The following FOXN3 variants were observed in gnomAD, a reference collection of about 807,000 sequenced individuals.
The protein encoded by FOXN3 is forkhead box protein N3.
Under a neutral mutation model 38.4 loss-of-function variants are expected in FOXN3, and 7 were observed. The observed-to-expected ratio is 0.18, with a 90% CI of 0.10 to 0.34. FOXN3 has a LOEUF of 0.34. Ranked by LOEUF, FOXN3 falls within the 10% of genes least tolerant of loss-of-function variation. The pLI is 1.00. For missense variants in FOXN3, 456 were observed against 613.4 expected (o/e 0.74, Z 2.71); for synonymous variants, 230 against 242.2 (o/e 0.95, Z 0.47).
rs1267316607 is a variant in FOXN3, at chr14:89,162,400, T to C, written c.*14A>G. ...CAAATGGTCGTAAGTTCAAAACAAA[T>C]CAGTGACTTGTTTTTAATTTTTTGT... is the stretch of plus-strand genomic sequence containing the variant. On this transcript the variant is annotated 3_prime_UTR_variant, in exon 6 of 6. Transcript: ENST00000557258. The surrounding 1 kb of genome is among the most constrained non-coding windows in gnomAD (Gnocchi z 7.2). 3 of 1,531,590 alleles carry C rather than the reference T, an allele frequency of 2.0e-6. No homozygotes were observed. Among genetic ancestry groups the C allele is most frequent in the Admixed American group, 2.1e-5 (1 of 46,744 alleles). The allele number at this position is 1,531,590 out of a possible 1,614,324, so 94.9% of individuals were successfully genotyped here. A position where few individuals can be genotyped will look rare whatever the true frequency, so the allele number is the denominator to read the frequency against.
intron 4 of FOXN3, among the ~76,000 whole-genome samples, chr14:89,181,728 C>T (rs941260267): frequency 3.9e-5 from 6 of 152,322 alleles, no homozygotes; most frequent in Middle Eastern, 3.4e-3. Context: ...AGAGGAGAAC[C>T]GCAGGGAATC....
At chr14:89,236,782 G>A (rs1884994772) in intron 4 of FOXN3, among the ~76,000 whole-genome samples, 1 of 152,222 alleles carries the variant, frequency 6.6e-6, no homozygotes, top group Admixed American at 6.5e-5. Context: ...TTTCTGGCCT[G>A]GAGGCCTCAG....
intron 5 of FOXN3, among the ~76,000 whole-genome samples, chr14:89,166,147 A>C (rs1401451814): frequency 1.3e-5 from 2 of 152,150 alleles, no homozygotes; most frequent in Non-Finnish European, 2.9e-5. Context: ...TCAAAGTTTT[A>C]GGGAGGGGGA....
chr14:89,195,572 T>G (rs1888077111), intron 4 of FOXN3, among the ~76,000 whole-genome samples: 1 of 152,024 alleles, frequency 6.6e-6, no homozygotes, highest in Admixed American at 6.6e-5. Context: ...GCATAGCTGA[T>G]TGTGAAGGGT....
chr14:89,574,827 C>T (rs545711418), intron 1 of FOXN3, among the ~76,000 whole-genome samples: 4 of 152,086 alleles, frequency 2.6e-5, no homozygotes, highest in Non-Finnish European at 5.9e-5. Flanking sequence ...GAGGCTCCTC[C>T]AATTCTTAAA....
At chr14:89,318,921 GGA>G (rs773635381) in intron 3 of FOXN3, among the ~76,000 whole-genome samples, 2 of 152,248 alleles carry the variant, frequency 1.3e-5, no homozygotes, top group Non-Finnish European at 2.9e-5. Context: ...GGGCTGGAAT[GGA>G]GAACGGAGGC....
Position 89,484,010 on chromosome 14 carries a change from C to T in FOXN3, c.-14-71520G>A, listed in dbSNP as rs1407864332. Among the ~76,000 whole-genome samples, 1 of 152,218 alleles carries T rather than the reference C, an allele frequency of 6.6e-6. No individual in the cohort carries two copies. The highest frequency in any genetic ancestry group is 6.5e-5 in the Admixed American group (1 of 15,272). ...TTAATTTGGTGCTGATTTATTCCAA[C>T]ATTTAGGTTAATCCAAGAAGTCTGG... On this transcript the variant is annotated intron_variant, in intron 1 of 6. Transcript: ENST00000345097. This position sits in a 1 kb window ranked among gnomAD's most constrained non-coding sequence, Gnocchi z 4.0.
intron 5 of FOXN3, among the ~76,000 whole-genome samples, chr14:89,178,525 A>C (rs1887584775): frequency 6.6e-6 from 1 of 152,180 alleles, no homozygotes; most frequent in Non-Finnish European, 1.5e-5. Flanking sequence ...TCTGATACAC[A>C]AGTTTGGCTC....
intron 2 of FOXN3, among the ~76,000 whole-genome samples, chr14:89,396,078 C>T (rs180738619): frequency 1.8e-3 from 280 of 152,146 alleles, no homozygotes; most frequent in Admixed American, 3.9e-3. Context: ...GAGACTCATT[C>T]GAAGGCTAAA....
intron 1 of FOXN3, among the ~76,000 whole-genome samples, chr14:89,556,917 T>G (rs1895139488): frequency 6.6e-6 from 1 of 152,064 alleles, no homozygotes; most frequent in Admixed American, 6.5e-5. Flanking sequence ...GTATGGATGA[T>G]GGGGGCAAAA....
intron 1 of FOXN3, among the ~76,000 whole-genome samples, chr14:89,559,415 C>T (rs1037049489): frequency 1.3e-5 from 2 of 152,012 alleles, no homozygotes; most frequent in African/African-American, 4.8e-5. Flanking sequence ...TGGTGGCTCA[C>T]GCCTGTAATC....
At chr14:89,515,865 C>T (rs999449403) in intron 1 of FOXN3, among the ~76,000 whole-genome samples, 1 of 152,148 alleles carries the variant, frequency 6.6e-6, no homozygotes, top group Non-Finnish European at 1.5e-5. Context: ...CAGCATGAAC[C>T]CCATTTCTGC....
intron 1 of FOXN3, among the ~76,000 whole-genome samples, chr14:89,463,784 C>CTTTT (rs33993052): frequency 1.4e-5 from 2 of 138,692 alleles, no homozygotes; most frequent in African/African-American, 5.4e-5. Context: ...GTCTCTCTCT[C>CTTTT]TTTTTTTTTT....
At position 89,291,124 on chromosome 14, in the gene FOXN3, T is replaced by C. The variant is rs1596158810; in HGVS notation, c.681-10110A>G. On this transcript the variant is annotated intron_variant, in intron 3 of 5. Coordinates refer to ENST00000557258, the MANE Select transcript of FOXN3 (RefSeq NM_005197.4). ...TTTAAGACCCTGTTAGTGTAAAAGG[T>C]GGCAGCATCACACATCTCGTTGACG... is the stretch of plus-strand genomic sequence containing the variant. The C allele has an allele frequency of 5.8e-6, 3 of 514,776 alleles. No homozygotes were observed. In the Admixed American group the frequency reaches 6.0e-5, roughly 10 times the overall value. 31.9% of individuals were successfully genotyped at this position (514,776 alleles called of 1,614,324 possible).
chr14:89,313,166 A>G (rs1007183565), intron 3 of FOXN3, among the ~76,000 whole-genome samples: 3 of 152,206 alleles, frequency 2.0e-5, no homozygotes, highest in Admixed American at 6.5e-5. Context: ...ACTGAGGCAT[A>G]ACATAAAGAA....
At chr14:89,398,319 A>G (rs781190665) in intron 2 of FOXN3, among the ~76,000 whole-genome samples, 1 of 152,028 alleles carries the variant, frequency 6.6e-6, no homozygotes, top group Non-Finnish European at 1.5e-5. Flanking sequence ...CTATTACCAA[A>G]CCTCCTGATC....
chr14:89,338,713 A>T (rs1287823922), intron 3 of FOXN3, among the ~76,000 whole-genome samples: 1 of 152,152 alleles, frequency 6.6e-6, no homozygotes, highest in African/African-American at 2.4e-5. Context: ...GAATCACTTG[A>T]ACCTGGGGGT....
chr14:89,465,574 C>T (rs1264475223), intron 1 of FOXN3, among the ~76,000 whole-genome samples: 1 of 152,222 alleles, frequency 6.6e-6, no homozygotes, highest in African/African-American at 2.4e-5. Flanking sequence ...TCCAGAAGAA[C>T]TTTTCAAGGG....
At chr14:89,427,651 G>A (rs1596268913) in intron 1 of FOXN3, among the ~76,000 whole-genome samples, 1 of 151,748 alleles carries the variant, frequency 6.6e-6, no homozygotes, top group Admixed American at 6.6e-5. Flanking sequence ...GGCACTACTT[G>A]CAAAAACTCA....
Sources: gnomAD v4.1 joint callset for allele counts (sites outside exome capture counted in the v4.1 genomes callset) on GRCh38, gnomAD v4.1.1 for gene constraint, Gnocchi (gnomAD v3.1) non-coding constraint, MANE v1.5 for transcripts, NCBI Gene and HGNC (gene_info 2026-07-23, HGNC 2026-07-21) for gene names.